Variants in CREB3L2 observed in about 807,000 individuals in gnomAD.
CREB3L2 encodes the protein cyclic AMP-responsive element-binding protein 3-like protein 2.
A neutral mutation model predicts 57.2 loss-of-function variants in CREB3L2; 23 were observed. The observed-to-expected ratio is 0.40, with a 90% CI of 0.29 to 0.57. CREB3L2 has a LOEUF of 0.57. CREB3L2 is among the 20% of genes least tolerant of loss of function. The probability of loss-of-function intolerance (pLI) is 0.42; values close to 1 mark genes in which losing one functional copy is unlikely to be tolerated. For synonymous variants in CREB3L2, 268 were observed against 265.1 expected (o/e 1.01, Z -0.11); for missense variants, 628 against 634.7 (o/e 0.99, Z 0.11).
At chr7:137,956,069 C>T (rs1334221105) in intron 1 of CREB3L2, among the ~76,000 whole-genome samples, 1 of 152,172 alleles carries the variant, frequency 6.6e-6, no homozygotes, top group African/African-American at 2.4e-5. Flanking sequence ...GATTTTGCTG[C>T]CACTTGTGTT....
chr7:137,962,670 G>A lies in CREB3L2; in HGVS notation c.103-34304C>T, dbSNP rs142836317. ...CCCACCAGCATTCTCTTACCCCATCGTGGTTTATTGTTCTCCATAACATGA... is the reference window on the plus strand; with the variant it reads ...CCCACCAGCATTCTCTTACCCCATCATGGTTTATTGTTCTCCATAACATGA... On this transcript the variant is annotated intron_variant, in intron 1 of 11. Coordinates refer to ENST00000330387, the MANE Select transcript of CREB3L2 (RefSeq NM_194071.4). Among the ~76,000 whole-genome samples the A allele has an allele frequency of 4.7e-3, 708 of 151,402 alleles. 6 individuals are homozygous for A. The highest frequency in any genetic ancestry group is 7.2e-3 in the Non-Finnish European group (486 of 67,892).
chr7:137,984,108 C>T (rs117164612), intron 1 of CREB3L2, among the ~76,000 whole-genome samples: 23 of 152,280 alleles, frequency 1.5e-4, no homozygotes, highest in Non-Finnish European at 2.5e-4. Flanking sequence ...GAGATGCAGG[C>T]GTCATTCTCA....
intron 7 of CREB3L2, among the ~76,000 whole-genome samples, chr7:137,901,889 A>AAAAAAAAAAAAAAG (rs1193862745): frequency 6.7e-6 from 1 of 148,628 alleles, no homozygotes; most frequent in Non-Finnish European, 1.5e-5. Context: ...AAAAAAAAAA[A>AAAAAAAAAAAAAAG]AAAGAAAAAT....
At chr7:137,899,122 A>AGGG in intron 8 of CREB3L2, among the ~76,000 whole-genome samples, 1 of 141,830 alleles carries the variant, frequency 7.1e-6, no homozygotes, top group African/African-American at 2.6e-5. Context: ...GGAAGGAAGG[A>AGGG]AGGAAGGAAG....
chr7:137,916,137 G>A, intron 2 of CREB3L2, 125 bp from the exon 3 acceptor site: 1 of 652,784 alleles, frequency 1.5e-6, no homozygotes, highest in Non-Finnish European at 2.5e-6. Context: ...TAGAATAAAA[G>A]AAAATGAAAT....
Position 137,878,432 on chromosome 7 carries a change from C to T in CREB3L2, c.*2044G>A, listed in dbSNP as rs1417906135. The T allele has an allele frequency of 4.3e-6, 1 of 232,796 alleles. No individual in the cohort carries two copies. Among genetic ancestry groups the T allele is most frequent in the Non-Finnish European group, 8.5e-6 (1 of 117,874 alleles). The allele number at this position is 232,796 out of a possible 1,614,324, so 14.4% of individuals were successfully genotyped here. ...TAGGCTGCCTATGCCTGATAATGACCTGACAGTTTAAAAGAGAGGGATGGG... is the reference window on the plus strand; with the variant it reads ...TAGGCTGCCTATGCCTGATAATGACTTGACAGTTTAAAAGAGAGGGATGGG... On this transcript the variant is annotated 3_prime_UTR_variant, in exon 12 of 12. Transcript: ENST00000330387.
chr7:137,990,077 C>T (rs188824795), intron 1 of CREB3L2, among the ~76,000 whole-genome samples: 140 of 152,296 alleles, frequency 9.2e-4, no homozygotes, highest in African/African-American at 3.0e-3. Flanking sequence ...TTGTTAAAAG[C>T]CTCCCACCTT....
intron 1 of CREB3L2, chr7:137,955,401 A>C (rs1801188927): frequency 2.1e-5 from 18 of 856,508 alleles, no homozygotes; most frequent in Non-Finnish European, 3.0e-5. Flanking sequence ...CAGCACGGCC[A>C]CCTCACTCCT....
intron 3 of CREB3L2, among the ~76,000 whole-genome samples, chr7:137,913,339 C>T (rs369553736): frequency 6.6e-6 from 1 of 151,724 alleles, no homozygotes; most frequent in South Asian, 2.1e-4. Context: ...GACAACGTCT[C>T]CCCAAAAAAA....
At chr7:137,979,997 C>T (rs930883442) in intron 1 of CREB3L2, among the ~76,000 whole-genome samples, 3 of 152,206 alleles carry the variant, frequency 2.0e-5, no homozygotes, top group Non-Finnish European at 2.9e-5. Flanking sequence ...GTCCAATCAG[C>T]CTCACAGGAG....
intron 1 of CREB3L2, among the ~76,000 whole-genome samples, chr7:137,955,686 C>T (rs1172174139): frequency 6.6e-6 from 1 of 152,158 alleles, no homozygotes; most frequent in Non-Finnish European, 1.5e-5. Context: ...CTAAAACCCA[C>T]CTCAAAGAGG....
At chr7:137,882,705 AG>A in intron 10 of CREB3L2, 77 bp from the exon 11 acceptor site, 3 of 1,008,872 alleles carry the variant, frequency 3.0e-6, no homozygotes, top group Non-Finnish European at 4.2e-6. Context: ...CCAGGTGCTC[AG>A]GGCTGGTGGC....
intron 3 of CREB3L2, among the ~76,000 whole-genome samples, chr7:137,914,500 C>A (rs1462216589): frequency 2.0e-5 from 3 of 152,140 alleles, no homozygotes; most frequent in Non-Finnish European, 4.4e-5. Flanking sequence ...GGCGTGGTGG[C>A]TGGTGCCTGT....
At chr7:137,961,796 C>A (rs908194723) in intron 1 of CREB3L2, among the ~76,000 whole-genome samples, 1 of 152,232 alleles carries the variant, frequency 6.6e-6, no homozygotes, top group African/African-American at 2.4e-5. Context: ...TTCTTCCATT[C>A]ATCCTTTGCT....
intron 1 of CREB3L2, among the ~76,000 whole-genome samples, chr7:137,944,386 G>C (rs1800930671): frequency 6.6e-6 from 1 of 152,136 alleles, no homozygotes; most frequent in Non-Finnish European, 1.5e-5. Flanking sequence ...TTGTTTATTA[G>C]GTCTTCTGGC....
chr7:137,987,181 A>C lies in CREB3L2; in HGVS notation c.102+14423T>G, dbSNP rs182982198. On this transcript the variant is annotated intron_variant, in intron 1 of 11. Coordinates refer to ENST00000330387, the MANE Select transcript of CREB3L2 (RefSeq NM_194071.4). Reference sequence around the variant, plus strand: ...TCAGGGGTAGGAAGTAAAAAGTCAAAACTACAAAGATCGGAGTCAGGTTCT... The same window carrying C: ...TCAGGGGTAGGAAGTAAAAAGTCAACACTACAAAGATCGGAGTCAGGTTCT... 2.4e-3 allele frequency among the ~76,000 whole-genome samples: 369 copies of C among 152,346 alleles called. 1 individual carries two copies. Among genetic ancestry groups the C allele is most frequent in the Admixed American group, 3.9e-3 (60 of 15,310 alleles).
At chr7:137,923,809 C>T (rs960882690) in intron 2 of CREB3L2, among the ~76,000 whole-genome samples, 13 of 152,208 alleles carry the variant, frequency 8.5e-5, no homozygotes, top group African/African-American at 3.1e-4. Context: ...TTCCACTTCT[C>T]CCTGGATAAC....
intron 8 of CREB3L2, among the ~76,000 whole-genome samples, chr7:137,887,813 T>C (rs1799454567): frequency 6.6e-6 from 1 of 152,264 alleles, no homozygotes; most frequent in Non-Finnish European, 1.5e-5. Flanking sequence ...TGTTAGTTAA[T>C]ATCACTAATT....
intron 1 of CREB3L2, among the ~76,000 whole-genome samples, chr7:137,960,477 T>G (rs1312173107): frequency 2.0e-5 from 3 of 152,052 alleles, no homozygotes; most frequent in African/African-American, 7.2e-5. Context: ...AAACTCAAAT[T>G]CCGTCAAAAG....
Sources: allele counts gnomAD v4.1 joint callset (sites outside exome capture counted in the v4.1 genomes callset), GRCh38; gene constraint gnomAD v4.1.1; transcripts MANE v1.5; gene names NCBI Gene and HGNC (gene_info 2026-07-23, HGNC 2026-07-21).